Variants in PCAT7 observed in about 807,000 individuals in gnomAD.
PCAT7 encodes prostate cancer associated transcript 7.
intron 2 of PCAT7, among the ~76,000 whole-genome samples, chr9:94,563,176 C>T (rs560249019): frequency 1.8e-4 from 27 of 152,340 alleles, no homozygotes; most frequent in Admixed American, 1.6e-3. Flanking sequence ...AAACCTCCCA[C>T]AGCCTGGAGA....
intron 2 of PCAT7, chr9:94,563,268 A>T: frequency 6.5e-7 from 1 of 1,539,630 alleles, no homozygotes; most frequent in Non-Finnish European, 8.8e-7. Context: ...CAGTAGCCAA[A>T]CAGCAGGTGT....
chr9:94,566,680 G>T (rs1479518953), intron 2 of PCAT7, among the ~76,000 whole-genome samples: 3 of 152,244 alleles, frequency 2.0e-5, no homozygotes, highest in African/African-American at 7.2e-5. Flanking sequence ...CACCAAGCTG[G>T]TCTTGGCAGG....
intron 2 of PCAT7, among the ~76,000 whole-genome samples, chr9:94,566,760 C>T (rs568164277): frequency 6.6e-6 from 1 of 152,284 alleles, no homozygotes; most frequent in East Asian, 1.9e-4. Context: ...TATCTCAGTT[C>T]ATTACAGATG....
At chr9:94,558,807 TTGC>T in intron 1 of PCAT7, 1 of 821,850 alleles carries the variant, frequency 1.2e-6, no homozygotes, top group South Asian at 1.6e-5. Flanking sequence ...CAGTTTGTTG[TTGC>T]TCTTCTGTAT....
At chr9:94,554,845 C>T (rs1328989842), upstream of PCAT7, among the ~76,000 whole-genome samples, 1 of 152,190 alleles carries the variant, frequency 6.6e-6, no homozygotes, top group Non-Finnish European at 1.5e-5. Flanking sequence ...TTCTTTAAGC[C>T]GGGTACGTAG....
At chr9:94,571,836 G>C (rs540236) in intron 2 of PCAT7, among the ~76,000 whole-genome samples, 74,000 of 152,072 alleles carry the variant, frequency 0.49, 18,642 homozygotes, top group African/African-American at 0.61. Context: ...AAACGCATGT[G>C]TCTGTAGCCT....
At chr9:94,573,289 T>C (rs570515277) in intron 3 of PCAT7, among the ~76,000 whole-genome samples, 1 of 152,322 alleles carries the variant, frequency 6.6e-6, no homozygotes, top group Admixed American at 6.5e-5. Context: ...GACAGGGTCT[T>C]GCTCTGTTGC....
intron 1 of PCAT7, among the ~76,000 whole-genome samples, chr9:94,556,657 A>G (rs1827016848): frequency 6.6e-6 from 1 of 152,198 alleles, no homozygotes; most frequent in Admixed American, 6.5e-5. Flanking sequence ...TCTTCATTAT[A>G]CTGATTGCTT....
At chr9:94,556,988 G>A (rs117910365) in intron 1 of PCAT7, among the ~76,000 whole-genome samples, 13 of 152,208 alleles carry the variant, frequency 8.5e-5, no homozygotes, top group African/African-American at 2.2e-4. Context: ...TGAGTTGACC[G>A]TAAACGCGTG....
chr9:94,571,380 G>T, intron 2 of PCAT7: 9 of 1,364,564 alleles, frequency 6.6e-6, no homozygotes, highest in Non-Finnish European at 8.8e-6. Context: ...GAATAACCAG[G>T]ACATTATCGC....
intron 1 of PCAT7, among the ~76,000 whole-genome samples, chr9:94,556,558 G>C (rs1226734771): frequency 2.6e-5 from 4 of 152,212 alleles, no homozygotes; most frequent in East Asian, 3.8e-4. Flanking sequence ...TTTCACTTTT[G>C]AGTAGTTTGA....
intron 2 of PCAT7, chr9:94,567,464 C>A: frequency 1.9e-6 from 3 of 1,598,014 alleles, no homozygotes. Context: ...ACAAGCCAAC[C>A]GCACAATCCC....
chr9:94,566,200 CCCCCCAAAACCTGGCCATAAACTG>C (rs1827187156), intron 2 of PCAT7, among the ~76,000 whole-genome samples: 1 of 152,196 alleles, frequency 6.6e-6, no homozygotes, highest in South Asian at 2.1e-4. Context: ...TGGGAACAGG[CCCCCCAAAACCTGGCCATAAACTG>C]GCCCCAAAAC....
intron 2 of PCAT7, chr9:94,567,592 GC>G: frequency 1.7e-6 from 1 of 596,250 alleles, no homozygotes. Flanking sequence ...ACCATATGGA[GC>G]CCACACAGGA....
At chr9:94,571,373 T>C in intron 2 of PCAT7, 1 of 1,316,640 alleles carries the variant, frequency 7.6e-7, no homozygotes. Flanking sequence ...GTATTAGGAA[T>C]AACCAGGACA....
At chr9:94,565,919 C>T (rs1827182744) in intron 2 of PCAT7, among the ~76,000 whole-genome samples, 1 of 152,100 alleles carries the variant, frequency 6.6e-6, no homozygotes, top group African/African-American at 2.4e-5. Context: ...ACTAATTACA[C>T]CCATTCATTT....
intron 1 of PCAT7, chr9:94,558,925 G>A (rs1827049862): frequency 1.2e-6 from 2 of 1,613,038 alleles, no homozygotes; most frequent in South Asian, 1.1e-5. Flanking sequence ...GAGGGCATGT[G>A]GGGTCAAACT....
chr9:94,556,111 C>T (rs1827008184), intron 1 of PCAT7, among the ~76,000 whole-genome samples: 1 of 144,478 alleles, frequency 6.9e-6, no homozygotes. Flanking sequence ...AAGGAGGAGC[C>T]GGGGGAAAGA....
chr9:94,572,541 T>A (rs1292558854), intron 2 of PCAT7, among the ~76,000 whole-genome samples: 1 of 152,206 alleles, frequency 6.6e-6, no homozygotes, highest in African/African-American at 2.4e-5. Flanking sequence ...CACTCAGAGC[T>A]GCTTCTCTGA....
Sources: allele counts gnomAD v4.1 joint callset (sites outside exome capture counted in the v4.1 genomes callset), GRCh38; gene constraint gnomAD v4.1.1; transcripts MANE v1.5; gene names NCBI Gene and HGNC (gene_info 2026-07-23, HGNC 2026-07-21).